IDH3A: variants seen among roughly 807,000 people sequenced by gnomAD.
IDH3A encodes isocitrate dehydrogenase (NAD(+)) 3 catalytic subunit alpha, also known as isocitrate dehydrogenase [NAD] subunit alpha, mitochondrial.
Under a neutral mutation model 43.3 loss-of-function variants are expected in IDH3A, and 23 were observed. The ratio of observed to expected loss-of-function variants is 0.53; its 90% CI spans 0.38 to 0.75. The LOEUF is 0.75. IDH3A is among the 30% of genes least tolerant of loss of function. IDH3A has a pLI of 0.00. For synonymous variants in IDH3A, 154 were observed against 163.5 expected (o/e 0.94, Z 0.44); for missense variants, 329 against 474.4 (o/e 0.69, Z 2.85).
intron 10 of IDH3A, 127 bp downstream of exon 10, chr15:78,166,429 A>T: frequency 2.1e-6 from 2 of 930,922 alleles, no homozygotes; most frequent in Non-Finnish European, 3.4e-6. Context: ...TTGAACAAGG[A>T]TTCTTAACGT....
In IDH3A at chr15:78,169,894, T is replaced by C. The variant is rs1490596780; in HGVS notation, c.*889T>C. The C allele has an allele frequency of 6.6e-6, 1 of 152,190 alleles. No homozygotes were observed. Among genetic ancestry groups the C allele is most frequent in the Admixed American group, 6.5e-5 (1 of 15,284 alleles). The allele number at this position is 152,190 out of a possible 1,614,324, so 9.4% of individuals were successfully genotyped here. A position where few individuals can be genotyped will look rare whatever the true frequency, so the allele number is the denominator to read the frequency against. ...TGGGAATGGACCACACTACAGCAGGTAGTTCTGGGGGCGATACTGCCGAAA... is the reference window on the plus strand; with the variant it reads ...TGGGAATGGACCACACTACAGCAGGCAGTTCTGGGGGCGATACTGCCGAAA... On this transcript the variant is annotated 3_prime_UTR_variant, in exon 11 of 11. Transcript: ENST00000299518.
At chr15:78,150,546 C>T (rs2074565453) in intron 1 of IDH3A, among the ~76,000 whole-genome samples, 1 of 152,174 alleles carries the variant, frequency 6.6e-6, no homozygotes, top group African/African-American at 2.4e-5. Flanking sequence ...GATTTAAATC[C>T]TAGCAATGCC....
Position 78,171,125 on chromosome 15 carries a change from G to A in IDH3A, c.*2120G>A, listed in dbSNP as rs1255884037. ...TGCTGGCTGTCCTGTATGTGAGCTA[G>A]CAGCTTTTTAATCTACCTGGAACTA... On this transcript the variant is annotated 3_prime_UTR_variant, in exon 11 of 11. Transcript: ENST00000299518. 8 of 213,178 alleles carry A rather than the reference G, an allele frequency of 3.8e-5. No individual in the cohort carries two copies. The highest frequency in any genetic ancestry group is 1.9e-5 in the Non-Finnish European group (2 of 105,526). The allele number at this position is 213,178 out of a possible 1,614,324, so 13.2% of individuals were successfully genotyped here.
At chr15:78,155,396 T>C (rs2074615757) in intron 2 of IDH3A, 121 bp downstream of exon 2, 2 of 636,348 alleles carry the variant, frequency 3.1e-6, no homozygotes, top group East Asian at 5.7e-5. Flanking sequence ...ATTGGCCATA[T>C]TTATAATGTA....
intron 10 of IDH3A, among the ~76,000 whole-genome samples, chr15:78,166,978 G>A (rs185033921): frequency 4.6e-5 from 7 of 152,154 alleles, no homozygotes; most frequent in East Asian, 1.9e-4. Context: ...CACAACAAAC[G>A]TCTGTTGAGT....
chr15:78,157,315 T>C, intron 2 of IDH3A: 2 of 689,706 alleles, frequency 2.9e-6, no homozygotes, highest in Middle Eastern at 4.5e-4. Context: ...AGAGTATCAT[T>C]TGGTTCTTTT....
At chr15:78,162,789 G>A (rs766997269) in intron 6 of IDH3A, among the ~76,000 whole-genome samples, 4 of 152,054 alleles carry the variant, frequency 2.6e-5, no homozygotes, top group Admixed American at 6.6e-5. Context: ...TAAGTGATCC[G>A]CTCGCCTTGG....
At chr15:78,162,446 C>G in intron 6 of IDH3A, 79 bp downstream of exon 6, 1 of 1,498,244 alleles carries the variant, frequency 6.7e-7, no homozygotes, top group Non-Finnish European at 9.1e-7. Context: ...TTCTCCTCTT[C>G]AGCTTGTTCC....
At chr15:78,158,463 A>ATATATT (rs1212083496) in intron 3 of IDH3A, among the ~76,000 whole-genome samples, 1 of 67,378 alleles carries the variant, frequency 1.5e-5, no homozygotes, top group African/African-American at 5.5e-5. Flanking sequence ...ATATATATAT[A>ATATATT]TTTTTTTTTT....
intron 10 of IDH3A, among the ~76,000 whole-genome samples, chr15:78,166,779 G>C (rs1431353147): frequency 6.6e-6 from 1 of 152,138 alleles, no homozygotes; most frequent in East Asian, 1.9e-4. Flanking sequence ...TTACAGGCGT[G>C]TGCCACCACA....
At chr15:78,164,310 C>A (rs1020602899) in intron 8 of IDH3A, among the ~76,000 whole-genome samples, 63 of 151,638 alleles carry the variant, frequency 4.2e-4, no homozygotes, top group African/African-American at 1.1e-3. Context: ...TCTCTCCCCC[C>A]CCGACACACA....
intron 1 of IDH3A, among the ~76,000 whole-genome samples, chr15:78,151,817 A>G (rs1033220735): frequency 1.3e-5 from 2 of 151,960 alleles, no homozygotes; most frequent in Non-Finnish European, 2.9e-5. Flanking sequence ...ATATATGCAT[A>G]TGAGTATTCT....
rs2074788184 is a variant in IDH3A, at chr15:78,169,112, T to C, written c.*107T>C. On this transcript the variant is annotated 3_prime_UTR_variant, in exon 11 of 11. Transcript: ENST00000299518. The stretch of plus-strand genomic sequence containing the variant: ...CATTGGTTTGCTTGTTTCTTGACAG[T>C]ACATTTTTAGATCTGGCCTTTTCTT... The C allele has an allele frequency of 1.6e-6, 1 of 630,092 alleles. No homozygotes were observed. Among genetic ancestry groups the C allele is most frequent in the East Asian group, 2.8e-5 (1 of 35,876 alleles). The allele number at this position is 630,092 out of a possible 1,614,324, so 39.0% of individuals were successfully genotyped here.
chr15:78,157,198 C>A, intron 2 of IDH3A: 2 of 1,110,860 alleles, frequency 1.8e-6, no homozygotes, highest in Non-Finnish European at 1.1e-6. Flanking sequence ...TTGTTGTTGT[C>A]TTTGGTTTAA....
chr15:78,166,127 A>C lies in IDH3A; in HGVS notation c.865-23A>C, dbSNP rs770395793. 26 of 1,610,268 alleles carry C rather than the reference A, an allele frequency of 1.6e-5. No individual in the cohort carries two copies. The East Asian group carries it at 5.6e-4, about 35-fold the overall frequency. On this transcript the variant is annotated intron_variant, in intron 9 of 10. Transcript: ENST00000299518. ...GTTAGTTTTTGTCTCTCCCTTGATG[A>C]TGCTACTTTTCCCGATGTGTAGGTT... is the stretch of plus-strand genomic sequence containing the variant.
At chr15:78,162,109 G>C in intron 5 of IDH3A, 125 bp from the exon 6 acceptor site, 1 of 919,996 alleles carries the variant, frequency 1.1e-6, no homozygotes. Context: ...CAGTGTGTGT[G>C]ATTAGTCATG....
In IDH3A at chr15:78,161,832, A is replaced by C; in HGVS notation, c.477+64A>C. On this transcript the variant is annotated intron_variant, in intron 5 of 10. Transcript: ENST00000299518. The surrounding 1 kb of genome is among the most constrained non-coding windows in gnomAD (Gnocchi z 4.8). ...CTGCTTTCTGTGCATCTGGGACCCC[A>C]GAGACAGATCTGCTTTATCTCTGTG... 7.2e-7 allele frequency: 1 copy of C among 1,396,128 alleles called. No homozygotes were observed. Among genetic ancestry groups the C allele is most frequent in the African/African-American group, 1.4e-5 (1 of 70,482 alleles). The allele number at this position is 1,396,128 out of a possible 1,614,324, so 86.5% of individuals were successfully genotyped here. A position where few individuals can be genotyped will look rare whatever the true frequency, so the allele number is the denominator to read the frequency against.
Position 78,170,373 on chromosome 15 carries a change from T to A in IDH3A, c.*1368T>A, listed in dbSNP as rs76863632. 6.6e-6 allele frequency: 1 copy of A among 152,010 alleles called. No individual in the cohort carries two copies. Among genetic ancestry groups the A allele is most frequent in the Admixed American group, 6.6e-5 (1 of 15,256 alleles). 9.4% of individuals were successfully genotyped at this position (152,010 alleles called of 1,614,324 possible). On this transcript the variant is annotated 3_prime_UTR_variant, in exon 11 of 11. Coordinates refer to ENST00000299518, the MANE Select transcript of IDH3A (RefSeq NM_005530.3). ...GGTCACAAGGGGATTTTTTTTTTTT[T>A]AGCAATGATATCCCTGTCTGGGTCA...
At chr15:78,167,036 T>C (rs557699442) in intron 10 of IDH3A, among the ~76,000 whole-genome samples, 146 of 152,366 alleles carry the variant, frequency 9.6e-4, no homozygotes, top group Non-Finnish European at 1.3e-3. Flanking sequence ...GGTAAGATGC[T>C]GAGCCTCAAG....
Sources: allele counts gnomAD v4.1 joint callset (sites outside exome capture counted in the v4.1 genomes callset), GRCh38; gene constraint gnomAD v4.1.1; non-coding constraint Gnocchi (gnomAD v3.1); transcripts MANE v1.5; gene names NCBI Gene and HGNC (gene_info 2026-07-23, HGNC 2026-07-21).